The following MEF2A variants were observed in gnomAD, a reference collection of about 807,000 sequenced individuals.
MEF2A encodes the protein myocyte-specific enhancer factor 2A.
A neutral mutation model predicts 55.8 loss-of-function variants in MEF2A; 28 were observed. That is an observed-to-expected ratio of 0.50 (90% CI 0.37 to 0.69). The LOEUF is 0.69. Ranked by LOEUF, MEF2A falls within the 30% of genes least tolerant of loss-of-function variation. MEF2A has a pLI of 0.00. For missense variants in MEF2A, 528 were observed against 626.2 expected (o/e 0.84, Z 1.67); for synonymous variants, 239 against 227.1 (o/e 1.05, Z -0.47).
chr15:99,612,201 G>T (rs1394584312), intron 2 of MEF2A, among the ~76,000 whole-genome samples: 1 of 152,108 alleles, frequency 6.6e-6, no homozygotes, highest in Admixed American at 6.5e-5. Context: ...GGATCATGAG[G>T]TCAGGAGATC....
intron 3 of MEF2A, among the ~76,000 whole-genome samples, chr15:99,637,519 C>CT (rs1382817073): frequency 1.3e-5 from 2 of 152,110 alleles, no homozygotes; most frequent in Non-Finnish European, 2.9e-5. Flanking sequence ...CATGGTAACT[C>CT]TTAAGTTTAA....
chr15:99,648,388 C>A (rs1216109963), intron 4 of MEF2A, among the ~76,000 whole-genome samples: 1 of 152,086 alleles, frequency 6.6e-6, no homozygotes, highest in Non-Finnish European at 1.5e-5. Flanking sequence ...CTTTTACCAA[C>A]TGAAGATTTT....
At chr15:99,669,939 T>C (rs957009820) in intron 4 of MEF2A, among the ~76,000 whole-genome samples, 2 of 152,208 alleles carry the variant, frequency 1.3e-5, no homozygotes, top group Non-Finnish European at 1.5e-5. Flanking sequence ...GTGATCAAGC[T>C]TTGTTTCCTA....
intron 3 of MEF2A, among the ~76,000 whole-genome samples, chr15:99,636,764 C>T (rs2043928461): frequency 6.6e-6 from 1 of 152,126 alleles, no homozygotes; most frequent in Admixed American, 6.5e-5. Flanking sequence ...TACCATAAGG[C>T]CATAAAGATA....
chr15:99,690,326 G>C lies in MEF2A; in HGVS notation c.756G>C (p.Lys252Asn). The change falls in exon 8 of 12, where the codon AAG (lysine) becomes AAC (asparagine). Residue 252 changes from lysine (K) to asparagine (N), a missense_variant. By Grantham distance (94) the Lys-to-Asn change is moderately conservative. Transcript: ENST00000557942. ...ANSLGKVMPTKSPPPPGGGNL... is the reference protein window; with the variant it reads ...ANSLGKVMPTNSPPPPGGGNL... Reference sequence around the variant, plus strand: ...GCTTAGGCAAAGTCATGCCTACAAAGTCTCCCCCTCCACCAGGTGGTGGTA... The same window carrying C: ...GCTTAGGCAAAGTCATGCCTACAAACTCTCCCCCTCCACCAGGTGGTGGTA... 6.2e-7 allele frequency: 1 copy of C among 1,613,578 alleles called. No homozygotes were observed. Among genetic ancestry groups the C allele is most frequent in the East Asian group, 2.2e-5 (1 of 44,876 alleles).
chr15:99,684,482 C>T (rs985402014), intron 7 of MEF2A, among the ~76,000 whole-genome samples: 11 of 152,154 alleles, frequency 7.2e-5, no homozygotes, highest in Non-Finnish European at 1.5e-4. Flanking sequence ...GAGCATTTTT[C>T]GTATGTCTTT....
chr15:99,628,186 C>G (rs1006198228), intron 2 of MEF2A, among the ~76,000 whole-genome samples: 5 of 152,078 alleles, frequency 3.3e-5, no homozygotes, highest in African/African-American at 1.2e-4. Flanking sequence ...AAGTATCCTT[C>G]TATATCTATC....
intron 4 of MEF2A, among the ~76,000 whole-genome samples, chr15:99,667,581 GTAAT>G (rs1312832919): frequency 6.6e-6 from 1 of 152,024 alleles, no homozygotes; most frequent in Non-Finnish European, 1.5e-5. Context: ...AAAATTTTAA[GTAAT>G]TAATTAGTGA....
At position 99,572,487 on chromosome 15, in the gene MEF2A, T is replaced by G. The variant is rs145101947; in HGVS notation, c.-225+6383T>G. 3.9e-5 allele frequency among the ~76,000 whole-genome samples: 6 copies of G among 152,146 alleles called. No individual in the cohort carries two copies. In the East Asian group the frequency reaches 9.7e-4, roughly 24 times the overall value. On this transcript the variant is annotated intron_variant, in intron 1 of 11. Coordinates refer to ENST00000557942, the MANE Select transcript of MEF2A (RefSeq NM_001319206.4). The stretch of plus-strand genomic sequence containing the variant: ...CTGGTTTGTTTAGTTATTGCTTATT[T>G]ATGGTATTTGTCCATTACCTGAATG...
intron 2 of MEF2A, among the ~76,000 whole-genome samples, chr15:99,617,848 C>G (rs1022722226): frequency 6.6e-6 from 1 of 152,116 alleles, no homozygotes; most frequent in Non-Finnish European, 1.5e-5. Flanking sequence ...CTTCTTTGCT[C>G]TGAATTGTTT....
intron 1 of MEF2A, among the ~76,000 whole-genome samples, chr15:99,571,926 T>G (rs529702462): frequency 6.6e-6 from 1 of 152,266 alleles, no homozygotes; most frequent in African/African-American, 2.4e-5. Context: ...CGTTGCCACC[T>G]CTTTATTTGA....
intron 1 of MEF2A, among the ~76,000 whole-genome samples, chr15:99,590,956 T>G (rs1318671149): frequency 1.3e-5 from 2 of 152,176 alleles, no homozygotes; most frequent in Non-Finnish European, 2.9e-5. Context: ...TTTAAAAAAT[T>G]TCATAGACTA....
At chr15:99,571,430 A>G (rs73480465) in intron 1 of MEF2A, among the ~76,000 whole-genome samples, 355 of 152,292 alleles carry the variant, frequency 2.3e-3, no homozygotes, top group African/African-American at 8.0e-3. Flanking sequence ...TTTTCCTCCT[A>G]CCATTACTAT....
At chr15:99,655,239 A>T (rs1271265027) in intron 4 of MEF2A, among the ~76,000 whole-genome samples, 1 of 152,184 alleles carries the variant, frequency 6.6e-6, no homozygotes, top group Non-Finnish European at 1.5e-5. Context: ...TTGATTTTTG[A>T]CAAAAGAGCC....
intron 4 of MEF2A, among the ~76,000 whole-genome samples, chr15:99,647,101 AATTAT>A (rs1272467309): frequency 1.3e-5 from 2 of 152,098 alleles, no homozygotes; most frequent in African/African-American, 4.8e-5. Flanking sequence ...GTCATTTATA[AATTAT>A]ATTATTTAGC....
intron 4 of MEF2A, among the ~76,000 whole-genome samples, chr15:99,666,802 C>CG (rs2049861156): frequency 6.6e-6 from 1 of 152,094 alleles, no homozygotes; most frequent in African/African-American, 2.4e-5. Context: ...GTATGCCCTC[C>CG]TCTCTTCCTC....
chr15:99,674,547 A>C lies in MEF2A; in HGVS notation c.545A>C (p.Gln182Pro). The change falls in exon 6 of 12, where the codon CAA (glutamine) becomes CCA (proline). Residue 182 changes from glutamine (Q) to proline (P), a missense_variant. Physicochemically the swap from Gln to Pro is moderately conservative, Grantham distance 76 (BLOSUM62 -1). This residue lies in a region of MEF2A where 450 missense variants were observed against 475.3 expected (regional missense o/e 0.95). Coordinates refer to ENST00000557942, the MANE Select transcript of MEF2A (RefSeq NM_001319206.4). ...GATTCAAGCATGCTCTCTCCACCTC[A>C]AACCACATTACATAGAAATGTGTCT... ...LTDSSMLSPP[Q>P]TTLHRNVSPG... is the part of the protein sequence containing the mutation. 6.2e-7 allele frequency: 1 copy of C among 1,613,916 alleles called. No individual in the cohort carries two copies. Among genetic ancestry groups the C allele is most frequent in the South Asian group, 1.1e-5 (1 of 91,080 alleles).
chr15:99,578,541 G>A (rs1596249778), intron 1 of MEF2A, among the ~76,000 whole-genome samples: 1 of 152,126 alleles, frequency 6.6e-6, no homozygotes, highest in Admixed American at 6.5e-5. Flanking sequence ...CCTTGTTTTG[G>A]GGGATAGCAT....
At chr15:99,632,418 A>G (rs984359260) in intron 2 of MEF2A, among the ~76,000 whole-genome samples, 1 of 152,332 alleles carries the variant, frequency 6.6e-6, no homozygotes, top group Admixed American at 6.5e-5. Flanking sequence ...GAAAAGACAG[A>G]TTGGGGCTAT....
Sources: gnomAD v4.1 joint callset for allele counts (sites outside exome capture counted in the v4.1 genomes callset) on GRCh38, gnomAD v4.1.1 for gene constraint, gnomAD v4.1.1 regional missense constraint, MANE v1.5 for transcripts, NCBI Gene and HGNC (gene_info 2026-07-23, HGNC 2026-07-21) for gene names.